The following PELI1 variants were observed in gnomAD, a reference collection of about 807,000 sequenced individuals.
PELI1 encodes the protein E3 ubiquitin-protein ligase pellino homolog 1.
In PELI1, 15 loss-of-function variants were observed where a neutral mutation model predicts 41.3. The ratio of observed to expected loss-of-function variants is 0.36; its 90% CI spans 0.24 to 0.56. PELI1 has a LOEUF of 0.56. PELI1 is among the 20% of genes least tolerant of loss of function. The pLI, the probability that PELI1 is intolerant of heterozygous loss-of-function variation, is 0.82. For synonymous variants in PELI1, 178 were observed against 180.1 expected (o/e 0.99, Z 0.09); for missense variants, 403 against 525.5 (o/e 0.77, Z 2.28).
chr2:64,109,681 A>T (rs190335653), intron 1 of PELI1, among the ~76,000 whole-genome samples: 289 of 152,320 alleles, frequency 1.9e-3, no homozygotes, highest in African/African-American at 6.7e-3. Context: ...ACTCCATCTC[A>T]AAACAAAAAC....
chr2:64,123,626 CA>C (rs1681295343), intron 1 of PELI1, among the ~76,000 whole-genome samples: 1 of 152,106 alleles, frequency 6.6e-6, no homozygotes, highest in African/African-American at 2.4e-5. Flanking sequence ...TGGCTATTAT[CA>C]AAAAGTCAGA....
chr2:64,132,456 A>C (rs1361550622), intron 1 of PELI1, among the ~76,000 whole-genome samples: 1 of 152,234 alleles, frequency 6.6e-6, no homozygotes, highest in East Asian at 1.9e-4. Context: ...TTGTTCTCAG[A>C]ACCTTGAGAT....
chr2:64,119,375 AC>A (rs1216658174), intron 1 of PELI1, among the ~76,000 whole-genome samples: 3 of 152,180 alleles, frequency 2.0e-5, no homozygotes, highest in Non-Finnish European at 4.4e-5. Context: ...CAGAACACAT[AC>A]CTCTCTGTTT....
intron 1 of PELI1, among the ~76,000 whole-genome samples, chr2:64,110,264 A>AAAAAG (rs1558477385): frequency 4.0e-5 from 6 of 151,326 alleles, no homozygotes; most frequent in Non-Finnish European, 4.4e-5. Context: ...AAAAAAAAAA[A>AAAAAG]AAAAGAAAAA....
chr2:64,139,109 A>G (rs1265101106), intron 1 of PELI1, among the ~76,000 whole-genome samples: 1 of 152,236 alleles, frequency 6.6e-6, no homozygotes, highest in African/African-American at 2.4e-5. Flanking sequence ...TTCATTAAAT[A>G]TCCAGAGTCT....
At position 64,093,285 on chromosome 2, in the gene PELI1, TAC is replaced by T. The variant is rs1304359939; in HGVS notation, c.*1415_*1416del. ...TATGCTACCACATATAAAACTTTGC[TAC>T]AGTCAGTTAAGTATTATACAACTTT... On this transcript the variant is annotated 3_prime_UTR_variant, in exon 7 of 7. Transcript: ENST00000358912. 15 of 152,666 alleles carry T rather than the reference TAC, an allele frequency of 9.8e-5. No individual in the cohort carries two copies. Among genetic ancestry groups the T allele is most frequent in the Non-Finnish European group, 1.6e-4 (11 of 68,042 alleles). 9.5% of individuals were successfully genotyped at this position (152,666 alleles called of 1,614,324 possible).
Position 64,131,076 on chromosome 2 carries a change from C to T in PELI1, c.-70+13005G>A, listed in dbSNP as rs575805526. On this transcript the variant is annotated intron_variant, in intron 1 of 6. Coordinates refer to ENST00000358912, the MANE Select transcript of PELI1 (RefSeq NM_020651.4). ...TTTACTCCTATCTCTCCCTGAGGCC[C>T]TGAGTACCTAGGAGAGAACCTTCGT... 1.6e-3 allele frequency among the ~76,000 whole-genome samples: 245 copies of T among 152,184 alleles called. 1 individual carries two copies. Among genetic ancestry groups the T allele is most frequent in the Non-Finnish European group, 4.6e-4 (31 of 68,008 alleles).
intron 1 of PELI1, among the ~76,000 whole-genome samples, chr2:64,134,204 T>C (rs1681646546): frequency 6.6e-6 from 1 of 152,174 alleles, no homozygotes; most frequent in Non-Finnish European, 1.5e-5. Flanking sequence ...TAAAGACTGG[T>C]CCTTAAGAGC....
At chr2:64,124,322 G>A (rs1038932855) in intron 1 of PELI1, among the ~76,000 whole-genome samples, 3 of 151,924 alleles carry the variant, frequency 2.0e-5, no homozygotes, top group South Asian at 2.1e-4. Context: ...TCAATAAAGC[G>A]AAGCAAGCAA....
chr2:64,121,643 C>T lies in PELI1; in HGVS notation c.-69-13264G>A, dbSNP rs533260790. On this transcript the variant is annotated intron_variant, in intron 1 of 6. Coordinates refer to ENST00000358912, the MANE Select transcript of PELI1 (RefSeq NM_020651.4). ...TGAGCTGGCCAGGTGCCATGGCCCA[C>T]GCCTGTAATCCCAGCACTTTGGAAG... Among the ~76,000 whole-genome samples the T allele has an allele frequency of 2.0e-4, 30 of 152,314 alleles. 1 individual carries two copies. The highest frequency in any genetic ancestry group is 4.0e-4 in the Non-Finnish European group (27 of 68,018).
chr2:64,138,043 A>G (rs562426442), intron 1 of PELI1, among the ~76,000 whole-genome samples: 3 of 152,186 alleles, frequency 2.0e-5, no homozygotes, highest in African/African-American at 7.2e-5. Context: ...TTCCTTTCCC[A>G]TGCTGATGCT....
At position 64,104,840 on chromosome 2, in the gene PELI1, G is replaced by GA. The variant is rs748044996; in HGVS notation, c.72-11dup. 1 of 1,600,884 alleles carries GA rather than the reference G, an allele frequency of 6.2e-7. No individual in the cohort carries two copies. Among genetic ancestry groups the GA allele is most frequent in the Non-Finnish European group, 8.5e-7 (1 of 1,174,814 alleles). Reference sequence around the variant, plus strand: ...GAGAGACCCATTATACCTGATGGGGGAAAAAAAGTATAGGTGATCTCTTGC... The same window carrying GA: ...GAGAGACCCATTATACCTGATGGGGGAAAAAAAAGTATAGGTGATCTCTTGC... On this transcript the variant is annotated splice_polypyrimidine_tract_variant and intron_variant, in intron 2 of 6. Coordinates refer to ENST00000358912, the MANE Select transcript of PELI1 (RefSeq NM_020651.4).
At chr2:64,127,996 T>C (rs539740994) in intron 1 of PELI1, among the ~76,000 whole-genome samples, 1 of 152,328 alleles carries the variant, frequency 6.6e-6, no homozygotes, top group African/African-American at 2.4e-5. Flanking sequence ...GGAATTCTGC[T>C]AAATCAAGTT....
intron 1 of PELI1, among the ~76,000 whole-genome samples, chr2:64,140,800 C>CAAAAAAAAAAAAAAAAAA (rs1356897512): frequency 4.0e-5 from 4 of 100,282 alleles, no homozygotes; most frequent in African/African-American, 8.9e-5. Flanking sequence ...AAAAAAAAAA[C>CAAAAAAAAAAAAAAAAAA]AAACAAACAA....
At chr2:64,131,769 C>T (rs528551017) in intron 1 of PELI1, among the ~76,000 whole-genome samples, 1 of 152,080 alleles carries the variant, frequency 6.6e-6, no homozygotes, top group Non-Finnish European at 1.5e-5. Flanking sequence ...TACAGGCACA[C>T]ACCACCACGC....
chr2:64,114,601 G>A (rs1680930573), intron 1 of PELI1, among the ~76,000 whole-genome samples: 1 of 152,154 alleles, frequency 6.6e-6, no homozygotes, highest in Non-Finnish European at 1.5e-5. Flanking sequence ...ATCACCTACA[G>A]GGATAACTTA....
intron 1 of PELI1, among the ~76,000 whole-genome samples, chr2:64,128,680 T>C (rs1361622558): frequency 6.6e-6 from 1 of 152,206 alleles, no homozygotes; most frequent in Non-Finnish European, 1.5e-5. Flanking sequence ...TCCACCTTTA[T>C]TGGCATTTAC....
intron 1 of PELI1, among the ~76,000 whole-genome samples, chr2:64,116,726 G>A (rs1269222513): frequency 6.6e-6 from 1 of 152,144 alleles, no homozygotes; most frequent in Non-Finnish European, 1.5e-5. Flanking sequence ...TAAAGTACAG[G>A]CACATCTGGT....
At chr2:64,118,820 A>C (rs1169828323) in intron 1 of PELI1, among the ~76,000 whole-genome samples, 1 of 152,182 alleles carries the variant, frequency 6.6e-6, no homozygotes, top group Non-Finnish European at 1.5e-5. Context: ...TCTTGGGAAA[A>C]GATTTATGGC....
Sources: gnomAD v4.1 joint callset for allele counts (sites outside exome capture counted in the v4.1 genomes callset) on GRCh38, gnomAD v4.1.1 for gene constraint, MANE v1.5 for transcripts, NCBI Gene and HGNC (gene_info 2026-07-23, HGNC 2026-07-21) for gene names.